Variants in NTM observed in about 807,000 individuals in gnomAD.
The protein encoded by NTM is neurotrimin.
NTM carries 13 observed loss-of-function variants against 42.1 expected under a neutral mutation model. The ratio of observed to expected loss-of-function variants is 0.31; its 90% CI spans 0.20 to 0.49. The LOEUF (loss-of-function observed/expected upper bound fraction) is 0.49. Ranked by LOEUF, NTM falls within the 20% of genes least tolerant of loss-of-function variation. The pLI is 0.99. For missense variants in NTM, 373 were observed against 452.8 expected, an observed-to-expected ratio of 0.82 and a Z score of 1.60; for synonymous variants, 187 against 179.2, an observed-to-expected ratio of 1.04 and a Z score of -0.35.
chr11:131,733,508 TTCCTTCCTTC>T (rs1487152059), intron 1 of NTM, among the ~76,000 whole-genome samples: 5 of 150,108 alleles, frequency 3.3e-5, no homozygotes, highest in Admixed American at 1.3e-4. Context: ...CCTTCCTTCC[TTCCTTCCTTC>T]CTTTCTTTCT....
chr11:131,722,021 A>AAAAAAAAAG (rs368857349), intron 1 of NTM, among the ~76,000 whole-genome samples: 1 of 112,746 alleles, frequency 8.9e-6, no homozygotes, highest in African/African-American at 3.4e-5. Context: ...AAAAAAAAAA[A>AAAAAAAAAG]AGAGAGAAAG....
intron 2 of NTM, among the ~76,000 whole-genome samples, chr11:132,042,770 A>T (rs2077375805): frequency 1.3e-5 from 2 of 152,210 alleles, no homozygotes; most frequent in Non-Finnish European, 2.9e-5. Context: ...AGGATACACA[A>T]AGCTAGATTA....
At chr11:131,375,857 C>A (rs1941902946) in intron 1 of NTM, among the ~76,000 whole-genome samples, 1 of 152,042 alleles carries the variant, frequency 6.6e-6, no homozygotes, top group Admixed American at 6.6e-5. Context: ...CTCTTGCTAC[C>A]ACTGCTTAAA....
intron 4 of NTM, among the ~76,000 whole-genome samples, chr11:132,275,420 G>A (rs3099788): frequency 0.89 from 135,883 of 151,980 alleles, 60,832 homozygotes; most frequent in African/African-American, 0.93. Flanking sequence ...CAATGCCACA[G>A]TGTGTTGATT....
At chr11:131,567,909 T>C (rs1421433244) in intron 1 of NTM, among the ~76,000 whole-genome samples, 3 of 152,206 alleles carry the variant, frequency 2.0e-5, no homozygotes, top group Admixed American at 2.0e-4. Flanking sequence ...AGAGGTGCAA[T>C]CATAGCACAT....
chr11:131,878,902 C>T (rs1202023814), intron 1 of NTM, among the ~76,000 whole-genome samples: 1 of 151,974 alleles, frequency 6.6e-6, no homozygotes, highest in African/African-American at 2.4e-5. Flanking sequence ...CCCCTAAATA[C>T]TCCAGTGTTC....
chr11:132,042,512 G>A (rs1431712289), intron 2 of NTM, among the ~76,000 whole-genome samples: 1 of 152,176 alleles, frequency 6.6e-6, no homozygotes, highest in Non-Finnish European at 1.5e-5. Flanking sequence ...TTTTCAATGA[G>A]TGCCTTTAAT....
intron 1 of NTM, among the ~76,000 whole-genome samples, chr11:131,803,451 G>T (rs1221275834): frequency 6.6e-6 from 1 of 152,012 alleles, no homozygotes; most frequent in Non-Finnish European, 1.5e-5. Context: ...TGGGACTACA[G>T]GTGTGCACCA....
intron 1 of NTM, among the ~76,000 whole-genome samples, chr11:131,541,105 G>A (rs112474818): frequency 1.8e-4 from 28 of 152,224 alleles, no homozygotes; most frequent in African/African-American, 6.0e-4. Flanking sequence ...TTCATTACTC[G>A]AAACAGTAAC....
intron 1 of NTM, among the ~76,000 whole-genome samples, chr11:131,647,897 T>A (rs572484925): frequency 6.6e-6 from 1 of 152,338 alleles, no homozygotes; most frequent in East Asian, 1.9e-4. Flanking sequence ...TGTGCAGGTT[T>A]GTTAATAGGT....
intron 1 of NTM, among the ~76,000 whole-genome samples, chr11:131,840,118 G>A (rs1294472129): frequency 6.6e-6 from 1 of 152,146 alleles, no homozygotes; most frequent in East Asian, 1.9e-4. Flanking sequence ...GTAGGCGATT[G>A]CATATACACT....
At chr11:131,767,424 T>C (rs2085297513) in intron 1 of NTM, among the ~76,000 whole-genome samples, 1 of 152,144 alleles carries the variant, frequency 6.6e-6, no homozygotes, top group Non-Finnish European at 1.5e-5. Context: ...CTACATGCTG[T>C]GGACTACATA....
At chr11:131,955,264 A>G (rs1038798833) in intron 2 of NTM, among the ~76,000 whole-genome samples, 3 of 152,172 alleles carry the variant, frequency 2.0e-5, no homozygotes, top group African/African-American at 7.2e-5. Flanking sequence ...ATAGGTGGAA[A>G]TGCCATGCCT....
intron 2 of NTM, among the ~76,000 whole-genome samples, chr11:131,997,123 G>A (rs77516083): frequency 6.6e-6 from 1 of 152,110 alleles, no homozygotes; most frequent in East Asian, 1.9e-4. Context: ...TGTTACCTCT[G>A]TTTCTTTGAT....
chr11:131,742,031 AC>A (rs2081264971), intron 1 of NTM, among the ~76,000 whole-genome samples: 1 of 151,552 alleles, frequency 6.6e-6, no homozygotes, highest in African/African-American at 2.5e-5. Context: ...TGATGAGAAC[AC>A]AGAGACACAG....
intron 1 of NTM, among the ~76,000 whole-genome samples, chr11:131,718,844 T>C (rs2078010586): frequency 6.6e-6 from 1 of 152,150 alleles, no homozygotes; most frequent in Admixed American, 6.5e-5. Context: ...CTCCAGGAAG[T>C]CAGCTGGGAT....
chr11:131,556,005 T>C (rs777859533), intron 1 of NTM, among the ~76,000 whole-genome samples: 1 of 151,956 alleles, frequency 6.6e-6, no homozygotes, highest in Non-Finnish European at 1.5e-5. Flanking sequence ...GGGAACAGAG[T>C]CAATGGAAAG....
At chr11:131,920,767 T>A (rs947699274) in intron 2 of NTM, among the ~76,000 whole-genome samples, 4 of 152,122 alleles carry the variant, frequency 2.6e-5, no homozygotes, top group African/African-American at 9.7e-5. Flanking sequence ...ATAATAGAAT[T>A]TTTAATGAAA....
intron 1 of NTM, among the ~76,000 whole-genome samples, chr11:131,668,375 G>A (rs2069485107): frequency 6.6e-6 from 1 of 151,700 alleles, no homozygotes; most frequent in Admixed American, 6.6e-5. Context: ...TACTAATTGT[G>A]AGTGGAGATT....
Sources: allele counts gnomAD v4.1 joint callset (sites outside exome capture counted in the v4.1 genomes callset), GRCh38; gene constraint gnomAD v4.1.1; transcripts MANE v1.5; gene names NCBI Gene and HGNC (gene_info 2026-07-23, HGNC 2026-07-21).